CDH18: variants seen among roughly 807,000 people sequenced by gnomAD.
CDH18 encodes the protein cadherin 18.
CDH18 carries 31 observed loss-of-function variants against 67.9 expected under a neutral mutation model. The ratio of observed to expected loss-of-function variants is 0.46; its 90% confidence interval spans 0.34 to 0.62. The LOEUF (loss-of-function observed/expected upper bound fraction) is 0.62, where lower values mean the gene tolerates loss of function less well. Among genes scored for constraint, CDH18 ranks in the 20% least tolerant of loss-of-function variants. The pLI is 0.01. For missense variants in CDH18, 890 were observed against 975.5 expected, an observed-to-expected ratio of 0.91 and a Z score of 1.17; for synonymous variants, 362 against 347.2, an observed-to-expected ratio of 1.04 and a Z score of -0.48.
rs200440251 is a variant in CDH18 at position 20,430,639 on chromosome 5, AAAT to A, written c.-580+144820_-580+144822del. The stretch of plus-strand genomic sequence containing the variant: ...ATTTTCTTCATAATATAATTGGAAT[AAAT>A]AATATTTGTTTTTATCACTTAGGGA... On this transcript the variant is annotated intron_variant, in intron 1 of 14. Transcript: ENST00000507958. Among the ~76,000 whole-genome samples, 1,256 of 152,344 alleles carry A rather than the reference AAAT, an allele frequency of 8.2e-3. 11 individuals are homozygous for A. The highest frequency in any genetic ancestry group is 0.029 in the African/African-American group (1,188 of 41,574).
At chr5:20,540,966 G>A (rs1320882015) in intron 1 of CDH18, among the ~76,000 whole-genome samples, 1 of 152,194 alleles carries the variant, frequency 6.6e-6, no homozygotes, top group Non-Finnish European at 1.5e-5. Context: ...GAAGACATTA[G>A]TGATGACTGA....
intron 1 of CDH18, among the ~76,000 whole-genome samples, chr5:20,550,653 A>G (rs925338837): frequency 6.6e-5 from 10 of 152,206 alleles, no homozygotes; most frequent in Non-Finnish European, 1.0e-4. Context: ...AAGAAACATA[A>G]GGATAATTTG....
intron 1 of CDH18, among the ~76,000 whole-genome samples, chr5:20,458,797 T>C (rs1023278561): frequency 2.0e-5 from 3 of 152,200 alleles, no homozygotes; most frequent in African/African-American, 7.2e-5. Context: ...ATAACTATTG[T>C]AACACATCAC....
chr5:20,241,881 T>TAAA, intron 2 of CDH18, among the ~76,000 whole-genome samples: 8 of 87,716 alleles, frequency 9.1e-5, no homozygotes, highest in South Asian at 3.5e-4. Flanking sequence ...TAAAATAAAA[T>TAAA]ATATATATAT....
At chr5:20,134,737 T>C (rs911992698) in intron 2 of CDH18, among the ~76,000 whole-genome samples, 2 of 152,168 alleles carry the variant, frequency 1.3e-5, no homozygotes, top group African/African-American at 4.8e-5. Flanking sequence ...TGGTTCTTTG[T>C]TTATTTCCTC....
intron 5 of CDH18, among the ~76,000 whole-genome samples, chr5:19,702,804 C>T (rs538176364): frequency 6.6e-6 from 1 of 152,188 alleles, no homozygotes; most frequent in East Asian, 2.0e-4. Context: ...CTCATGATTG[C>T]TATGGCACCC....
chr5:19,746,862 G>C, intron 4 of CDH18, 80 bp downstream of exon 4: 1 of 1,081,622 alleles, frequency 9.2e-7, no homozygotes, highest in East Asian at 2.5e-5. Context: ...ATATATATAA[G>C]TAAAAATTGG....
chr5:20,357,388 C>T (rs1419136929), intron 1 of CDH18, among the ~76,000 whole-genome samples: 2 of 152,014 alleles, frequency 1.3e-5, no homozygotes, highest in African/African-American at 4.8e-5. Flanking sequence ...CACACATAAG[C>T]CAAATGCTCT....
intron 2 of CDH18, among the ~76,000 whole-genome samples, chr5:19,855,390 A>G (rs1784167390): frequency 6.6e-6 from 1 of 151,962 alleles, no homozygotes; most frequent in South Asian, 2.1e-4. Flanking sequence ...TCAAAAGAAT[A>G]TATGATAAAT....
At chr5:20,408,351 G>A (rs1456082675) in intron 1 of CDH18, among the ~76,000 whole-genome samples, 1 of 151,920 alleles carries the variant, frequency 6.6e-6, no homozygotes, top group East Asian at 1.9e-4. Flanking sequence ...TAAAAATATA[G>A]ACAAATACAG....
chr5:19,489,393 GCC>G, intron 11 of CDH18, among the ~76,000 whole-genome samples: 1 of 151,416 alleles, frequency 6.6e-6, no homozygotes, highest in Non-Finnish European at 1.5e-5. Flanking sequence ...GACTACAGGC[GCC>G]CGCCACCACA....
intron 7 of CDH18, among the ~76,000 whole-genome samples, chr5:19,587,706 A>G (rs186400216): frequency 3.2e-4 from 48 of 151,436 alleles, no homozygotes; most frequent in Admixed American, 9.2e-4. Flanking sequence ...GCACTGTAGT[A>G]TAGTTTGAAG....
intron 2 of CDH18, among the ~76,000 whole-genome samples, chr5:20,142,441 G>A (rs1010111611): frequency 3.3e-5 from 5 of 151,930 alleles, no homozygotes; most frequent in Admixed American, 1.3e-4. Flanking sequence ...TTGGCCCGGC[G>A]TGGTGGCAAG....
intron 1 of CDH18, among the ~76,000 whole-genome samples, chr5:20,465,520 A>C (rs1011568297): frequency 1.2e-4 from 18 of 151,898 alleles, no homozygotes; most frequent in African/African-American, 4.4e-4. Flanking sequence ...TTATCAAGGT[A>C]TATTTAAAAT....
chr5:19,547,469 T>C (rs1736535473), intron 8 of CDH18, among the ~76,000 whole-genome samples: 1 of 152,166 alleles, frequency 6.6e-6, no homozygotes, highest in Non-Finnish European at 1.5e-5. Context: ...ATTTTAGAAG[T>C]TAGATCACCT....
intron 1 of CDH18, among the ~76,000 whole-genome samples, chr5:20,482,488 C>G (rs1422039155): frequency 6.6e-6 from 1 of 151,770 alleles, no homozygotes; most frequent in Non-Finnish European, 1.5e-5. Flanking sequence ...CAAAAAAGGC[C>G]AATATTCTTG....
At chr5:20,084,744 G>C (rs765044869) in intron 2 of CDH18, among the ~76,000 whole-genome samples, 2 of 152,178 alleles carry the variant, frequency 1.3e-5, no homozygotes, top group Admixed American at 6.5e-5. Flanking sequence ...GAACCGCCAA[G>C]CTTGAGGCTT....
chr5:20,271,924 C>A (rs200482783), intron 1 of CDH18, among the ~76,000 whole-genome samples: 5 of 146,562 alleles, frequency 3.4e-5, no homozygotes, highest in Non-Finnish European at 4.5e-5. Flanking sequence ...TGTAGAGAGG[C>A]AGAGAGAGAG....
chr5:20,542,969 T>C (rs927231741), intron 1 of CDH18, among the ~76,000 whole-genome samples: 1 of 152,056 alleles, frequency 6.6e-6, no homozygotes, highest in Non-Finnish European at 1.5e-5. Flanking sequence ...TTTTGGTAAA[T>C]AGTTAATTTC....
Sources: gnomAD v4.1 joint callset for allele counts (sites outside exome capture counted in the v4.1 genomes callset) on GRCh38, gnomAD v4.1.1 for gene constraint, MANE v1.5 for transcripts, NCBI Gene and HGNC (gene_info 2026-07-23, HGNC 2026-07-21) for gene names.